DPAGT1: variants seen among roughly 807,000 people sequenced by gnomAD.
DPAGT1 encodes UDP-N-acetylglucosamine--dolichyl-phosphate N-acetylglucosaminephosphotransferase.
DPAGT1 carries 25 observed loss-of-function variants against 39.3 expected under a neutral mutation model. The ratio of observed to expected loss-of-function variants is 0.64; its 90% CI spans 0.46 to 0.89. The LOEUF (loss-of-function observed/expected upper bound fraction) is 0.89, where lower values mean the gene tolerates loss of function less well. DPAGT1 is among the 40% of genes least tolerant of loss of function. The pLI is 0.00. For missense variants in DPAGT1, 381 were observed against 500.6 expected (o/e 0.76, Z 2.28); for synonymous variants, 193 against 201.4 (o/e 0.96, Z 0.36).
At chr11:119,100,927 T>C (rs767499788) in intron 2 of DPAGT1, 84 bp from the exon 3 acceptor site, 4 of 1,613,694 alleles carry the variant, frequency 2.5e-6, no homozygotes, top group Non-Finnish European at 3.4e-6. Flanking sequence ...GATAATTTCT[T>C]AGCCCCTCCC....
At chr11:119,100,949 A>ACTGGGAGG in intron 2 of DPAGT1, 69 bp downstream of exon 2, 1 of 1,614,068 alleles carries the variant, frequency 6.2e-7, no homozygotes, top group South Asian at 1.1e-5. Context: ...ACAAGCCCAA[A>ACTGGGAGG]TAACCCCAGT....
rs1379953895 is a variant in DPAGT1, at chr11:119,097,239, A to G, written c.1064T>C (p.Phe355Ser). 6.2e-7 allele frequency: 1 copy of G among 1,614,094 alleles called. No individual in the cohort carries two copies. Among genetic ancestry groups the G allele is most frequent in the Non-Finnish European group, 8.5e-7 (1 of 1,180,050 alleles). Reference sequence around the variant, plus strand: ...GAGGGTCATGTTGTTACATTCAGTGAATTCACCATCTTCAGTCTCACTCTG... The same window carrying G: ...GAGGGTCATGTTGTTACATTCAGTGGATTCACCATCTTCAGTCTCACTCTG... ...VHQSETEDGE[F>S]TECNNMTLIN... The change falls in exon 8 of 9, where the codon TTC (phenylalanine) becomes TCC (serine). Residue 355 changes from phenylalanine (F) to serine (S), a missense_variant. Physicochemically the swap from Phe to Ser is radical, Grantham distance 155. Transcript: ENST00000354202. The surrounding 1 kb of genome is among the most constrained non-coding windows in gnomAD (Gnocchi z 4.6).
chr11:119,094,828 G>C (rs1228200948), downstream of DPAGT1: 3 of 948,272 alleles, frequency 3.2e-6, no homozygotes, highest in Non-Finnish European at 4.5e-6. Context: ...GGGGAGGGGA[G>C]GGGAAGGGAG....
chr11:119,101,298 T>G, intron 1 of DPAGT1, 160 bp from the exon 2 acceptor site: 1 of 1,357,814 alleles, frequency 7.4e-7, no homozygotes, highest in South Asian at 1.2e-5. Context: ...ACTGCCAGAG[T>G]CCCAGATATA....
At chr11:119,100,139 G>C in intron 4 of DPAGT1, 123 bp downstream of exon 4, 1 of 1,459,022 alleles carries the variant, frequency 6.9e-7, no homozygotes, top group Non-Finnish European at 9.6e-7. Flanking sequence ...AAAGTAAGTA[G>C]CTTCCCTTAT....
downstream of DPAGT1, chr11:119,095,454 A>G (rs1342252837): frequency 1.4e-6 from 2 of 1,457,516 alleles, no homozygotes; most frequent in Non-Finnish European, 1.8e-6. Flanking sequence ...CGCCCGCCGC[A>G]GTGTAACTGC....
Position 119,101,536 on chromosome 11 carries a change from GCGCGC to G in DPAGT1, c.115_119del (p.Ala39ProfsTer48), listed in dbSNP as rs1306347211. 1 of 1,614,102 alleles carries G rather than the reference GCGCGC, an allele frequency of 6.2e-7. No homozygotes were observed. Among genetic ancestry groups the G allele is most frequent in the Non-Finnish European group, 8.5e-7 (1 of 1,180,042 alleles). On this transcript the variant is annotated frameshift_variant, in exon 1 of 9. Coordinates refer to ENST00000354202, the MANE Select transcript of DPAGT1 (RefSeq NM_001382.4). LOFTEE classifies it high-confidence loss of function. ...TTTTGTTGAGGTCCTGACCACAGAG[GCGCGC>G]AGCAATGAAGTGGCCCCGGAAGGCC...
At chr11:119,094,748 A>C (rs2134892181), downstream of DPAGT1, 3 of 521,226 alleles carry the variant, frequency 5.8e-6, no homozygotes, top group Non-Finnish European at 9.8e-6. Context: ...CCCGAGGCCG[A>C]CGCGGCAGGC....
chr11:119,099,138 T>C (rs1303904442), intron 4 of DPAGT1, among the ~76,000 whole-genome samples: 1 of 152,046 alleles, frequency 6.6e-6, no homozygotes, highest in Non-Finnish European at 1.5e-5. Context: ...GCAGGAGTAA[T>C]TCATGGCCGG....
rs1167558060 is a variant in DPAGT1, at chr11:119,100,750, G to A, written c.376C>T (p.Leu126=). ...AGTGAGGCAGCTGTAGGTAGCAGCA[G>A]CTTATGGCGCCAGCGCAGATTCAGT... The part of the protein sequence containing the change: ...DVLNLRWRHK[L]LLPTAASLPL... The change falls in exon 3 of 9, where the codon CTG becomes TTG. Residue 126 remains leucine (L), a synonymous_variant. Transcript: ENST00000354202. The A allele has an allele frequency of 1.2e-6, 2 of 1,614,194 alleles. No homozygotes were observed. The highest frequency in any genetic ancestry group is 1.7e-6 in the Non-Finnish European group (2 of 1,180,034).
rs768464558 is a variant in DPAGT1, at chr11:119,100,331, C to G, written c.574G>C (p.Gly192Arg). ...NAINILAGIN[G>R]LEAGQSLVIS... The stretch of plus-strand genomic sequence containing the variant: ...ACTAGTGACTGGCCAGCCTCTAGGC[C>G]GTTAATTCCTGCTAGGATATTGATG... Residue 192 changes from glycine (G) to arginine (R), a missense_variant, in exon 4 of 9, where the codon GGC becomes CGC. Coordinates refer to ENST00000354202, the MANE Select transcript of DPAGT1 (RefSeq NM_001382.4). The G allele has an allele frequency of 6.2e-7, 1 of 1,614,048 alleles. No individual in the cohort carries two copies. The highest frequency in any genetic ancestry group is 1.3e-5 in the African/African-American group (1 of 74,914).
downstream of DPAGT1, among the ~76,000 whole-genome samples, chr11:119,096,022 G>A (rs1471740203): frequency 6.6e-6 from 1 of 152,112 alleles, no homozygotes; most frequent in South Asian, 2.1e-4. Context: ...CTGGAGTGCA[G>A]TAGTGTGATC....
intron 4 of DPAGT1, among the ~76,000 whole-genome samples, chr11:119,099,345 A>T (rs1358602857): frequency 1.4e-5 from 2 of 141,270 alleles, no homozygotes; most frequent in African/African-American, 5.3e-5. Context: ...AATCGCTTGA[A>T]CCTGGGAGGC....
In DPAGT1 at chr11:119,100,698, T is replaced by C. The variant is rs752374709; in HGVS notation, c.428A>G (p.Asn143Ser). ...CACCACAATGGTCGTGTTGCCAAAG[T>C]TGGTGAAATAGACCATGAGGAGAGG... ...SLPLLMVYFTNFGNTTIVVPK... is the reference protein window; with the variant it reads ...SLPLLMVYFTSFGNTTIVVPK... Residue 143 changes from asparagine (N) to serine (S), a missense_variant, in exon 3 of 9, where the codon AAC (asparagine) becomes AGC (serine). Physicochemically the swap from Asn to Ser is conservative, Grantham distance 46. Coordinates refer to ENST00000354202, the MANE Select transcript of DPAGT1 (RefSeq NM_001382.4). The C allele has an allele frequency of 1.9e-6, 3 of 1,614,002 alleles. No individual in the cohort carries two copies. The highest frequency in any genetic ancestry group is 1.7e-5 in the Admixed American group (1 of 59,996).
downstream of DPAGT1, among the ~76,000 whole-genome samples, chr11:119,096,070 A>C (rs2509851): frequency 0.3 from 45,725 of 151,948 alleles, 7,740 homozygotes; most frequent in East Asian, 0.5. Context: ...GGTTCAAGGA[A>C]TCCTCCCTGC....
At chr11:119,099,025 C>T (rs978687683) in intron 4 of DPAGT1, among the ~76,000 whole-genome samples, 1 of 152,152 alleles carries the variant, frequency 6.6e-6, no homozygotes, top group Admixed American at 6.5e-5. Context: ...CGGAATGTCT[C>T]AGTAAGAGGG....
chr11:119,095,805 CTG>C (rs1946383296), downstream of DPAGT1, among the ~76,000 whole-genome samples: 1 of 152,072 alleles, frequency 6.6e-6, no homozygotes, highest in African/African-American at 2.4e-5. Context: ...TCTGGGAAAT[CTG>C]TGCCGGCGTA....
rs1946418696 is a variant in DPAGT1, at chr11:119,097,472, T to G, written c.997A>C (p.Ile333Leu). Residue 333 changes from isoleucine to leucine, a missense_variant, in exon 7 of 9, where the codon ATT becomes CTT. Transcript: ENST00000354202. The surrounding 1 kb of genome is among the most constrained non-coding windows in gnomAD (Gnocchi z 4.6). ...CCTTGTTACCCTGTTACCTTTAAAATAAAGGTGCCCAAGAAAGAGAGGCTC... is the reference window on the plus strand; with the variant it reads ...CCTTGTTACCCTGTTACCTTTAAAAGAAAGGTGCCCAAGAAAGAGAGGCTC... ...TKSLSFLGTF[I>L]LKVAESLQLV... The G allele has an allele frequency of 6.2e-7, 1 of 1,614,140 alleles. No homozygotes were observed. The highest frequency in any genetic ancestry group is 1.3e-5 in the African/African-American group (1 of 75,032).
At chr11:119,099,347 C>T in intron 4 of DPAGT1, among the ~76,000 whole-genome samples, 1 of 147,552 alleles carries the variant, frequency 6.8e-6, no homozygotes, top group Admixed American at 6.9e-5. Context: ...TCGCTTGAAC[C>T]TGGGAGGCGG....
Sources: gnomAD v4.1 joint callset for allele counts (sites outside exome capture counted in the v4.1 genomes callset) on GRCh38, gnomAD v4.1.1 for gene constraint, Gnocchi (gnomAD v3.1) non-coding constraint, MANE v1.5 for transcripts, NCBI Gene and HGNC (gene_info 2026-07-23, HGNC 2026-07-21) for gene names.